ANO3: variants seen among roughly 807,000 people sequenced by gnomAD.
The protein encoded by ANO3 is anoctamin-3.
A neutral mutation model predicts 144.8 loss-of-function variants in ANO3; 99 were observed. The observed-to-expected ratio is 0.68, with a 90% CI of 0.58 to 0.81. The LOEUF (loss-of-function observed/expected upper bound fraction) is 0.81, where lower values mean the gene tolerates loss of function less well. Among genes scored for constraint, ANO3 ranks in the 30% least tolerant of loss-of-function variants. The probability of loss-of-function intolerance (pLI) is 0.00; values close to 1 mark genes in which losing one functional copy is unlikely to be tolerated. For synonymous variants in ANO3, 414 were observed against 392.6 expected, an observed-to-expected ratio of 1.05 and a Z score of -0.64; for missense variants, 905 against 1,202.2, an observed-to-expected ratio of 0.75 and a Z score of 3.66.
chr11:26,583,131 G>A (rs185167054), intron 14 of ANO3, among the ~76,000 whole-genome samples: 9 of 152,318 alleles, frequency 5.9e-5, no homozygotes, highest in African/African-American at 2.2e-4. Context: ...GTTACCTTTA[G>A]AGGGACTCTG....
At chr11:26,224,435 T>G (rs987222773) in intron 1 of ANO3, among the ~76,000 whole-genome samples, 1 of 152,252 alleles carries the variant, frequency 6.6e-6, no homozygotes, top group Non-Finnish European at 1.5e-5. Flanking sequence ...AAATAGTCCA[T>G]GTTGCTATAG....
intron 1 of ANO3, among the ~76,000 whole-genome samples, chr11:26,395,492 C>G (rs9943633): frequency 0.27 from 40,338 of 151,954 alleles, 6,002 homozygotes; most frequent in African/African-American, 0.4. Flanking sequence ...AGGTCCTTCA[C>G]ATCCTTTGTA....
chr11:26,652,858 G>A (rs527271027), intron 24 of ANO3, among the ~76,000 whole-genome samples: 90 of 152,218 alleles, frequency 5.9e-4, no homozygotes, highest in Non-Finnish European at 1.0e-3. Flanking sequence ...AAACCCACTG[G>A]TCAACTCCAG....
chr11:26,572,097 T>C, intron 14 of ANO3: 1 of 985,376 alleles, frequency 1.0e-6, no homozygotes, highest in African/African-American at 1.7e-5. Context: ...TTGTCCTGTC[T>C]GAAAGGAATC....
intron 1 of ANO3, among the ~76,000 whole-genome samples, chr11:26,413,636 C>T (rs550484424): frequency 6.6e-6 from 1 of 151,992 alleles, no homozygotes; most frequent in African/African-American, 2.4e-5. Flanking sequence ...ACACCCAAGG[C>T]ATTAATGTCA....
chr11:26,358,173 T>TA (rs202213152), intron 1 of ANO3, among the ~76,000 whole-genome samples: 157 of 111,236 alleles, frequency 1.4e-3, no homozygotes, highest in East Asian at 7.1e-3. Context: ...ATTTCAACTT[T>TA]TTTTTTTTTT....
chr11:26,602,765 T>C (rs546138724), intron 17 of ANO3, among the ~76,000 whole-genome samples: 136 of 150,876 alleles, frequency 9.0e-4, no homozygotes, highest in Non-Finnish European at 1.6e-3. Flanking sequence ...AAAAAAGACA[T>C]TACTGTGTAA....
At chr11:26,541,639 A>T (rs1359009568) in intron 10 of ANO3, among the ~76,000 whole-genome samples, 2 of 73,250 alleles carry the variant, frequency 2.7e-5, no homozygotes, top group Admixed American at 1.7e-4. Context: ...GATGGTGAAG[A>T]TATTGTGTTT....
chr11:26,652,960 A>G (rs1314473530), intron 24 of ANO3, among the ~76,000 whole-genome samples: 1 of 152,110 alleles, frequency 6.6e-6, no homozygotes, highest in African/African-American at 2.4e-5. Context: ...AAAGACACAT[A>G]ATTTCTGTTT....
intron 4 of ANO3, among the ~76,000 whole-genome samples, chr11:26,506,548 CACTT>C (rs1467852979): frequency 3.3e-5 from 5 of 152,168 alleles, no homozygotes; most frequent in African/African-American, 1.2e-4. Context: ...TGGTGTTAGT[CACTT>C]AGTCACTTTA....
intron 1 of ANO3, among the ~76,000 whole-genome samples, chr11:26,379,401 G>A (rs1856518991): frequency 6.6e-6 from 1 of 152,138 alleles, no homozygotes; most frequent in Admixed American, 6.5e-5. Flanking sequence ...GTGTAAGTTA[G>A]TAAAAGTACA....
intron 23 of ANO3, among the ~76,000 whole-genome samples, chr11:26,644,354 T>A (rs959400766): frequency 4.6e-5 from 7 of 152,190 alleles, no homozygotes; most frequent in Admixed American, 3.9e-4. Context: ...TGACATTTTT[T>A]AAAAATACTA....
intron 14 of ANO3, among the ~76,000 whole-genome samples, chr11:26,566,061 G>T (rs1360746936): frequency 6.6e-6 from 1 of 151,754 alleles, no homozygotes; most frequent in Non-Finnish European, 1.5e-5. Context: ...TTAAATTAGT[G>T]CCATTGAGTA....
upstream of ANO3, among the ~76,000 whole-genome samples, chr11:26,328,532 G>C (rs917142205): frequency 6.6e-6 from 1 of 152,162 alleles, no homozygotes; most frequent in Non-Finnish European, 1.5e-5. Context: ...CTCACAACTG[G>C]CTGAGCTGAG....
At chr11:26,250,678 G>A (rs747962147) in intron 1 of ANO3, among the ~76,000 whole-genome samples, 1 of 152,114 alleles carries the variant, frequency 6.6e-6, no homozygotes, top group Non-Finnish European at 1.5e-5. Flanking sequence ...GTTTTCTTCT[G>A]TGGGCATTTC....
chr11:26,219,061 C>T (rs1852090753), intron 1 of ANO3, among the ~76,000 whole-genome samples: 1 of 152,096 alleles, frequency 6.6e-6, no homozygotes, highest in South Asian at 2.1e-4. Context: ...CTGTCCTGTG[C>T]ATTGTAAGAT....
intron 3 of ANO3, among the ~76,000 whole-genome samples, chr11:26,460,430 CGG>C (rs1565038487): frequency 3.4e-3 from 14 of 4,082 alleles, no homozygotes; most frequent in African/African-American, 6.9e-3. Flanking sequence ...GGGGGGGGGG[CGG>C]GCGGGTGGAA....
At chr11:26,659,487 A>G (rs992589395) in intron 26 of ANO3, among the ~76,000 whole-genome samples, 10 of 151,958 alleles carry the variant, frequency 6.6e-5, no homozygotes, top group African/African-American at 2.4e-4. Flanking sequence ...TGAGCCCAGG[A>G]GCTCGAGGCC....
intron 14 of ANO3, among the ~76,000 whole-genome samples, chr11:26,566,658 G>A (rs293977): frequency 0.74 from 112,861 of 151,670 alleles, 42,228 homozygotes; most frequent in Admixed American, 0.8. Flanking sequence ...GTGTGTGTGG[G>A]AAAATAAGCT....
Sources: gnomAD v4.1 joint callset for allele counts (sites outside exome capture counted in the v4.1 genomes callset) on GRCh38, gnomAD v4.1.1 for gene constraint, MANE v1.5 for transcripts, NCBI Gene and HGNC (gene_info 2026-07-23, HGNC 2026-07-21) for gene names.